RORB: variants seen among roughly 807,000 people sequenced by gnomAD.
RORB encodes the protein nuclear receptor ROR-beta.
A neutral mutation model predicts 59.1 loss-of-function variants in RORB; 6 were observed. That is an observed-to-expected ratio of 0.10 (90% confidence interval 0.06 to 0.20). RORB has a LOEUF of 0.20. Ranked by LOEUF, RORB falls within the 10% of genes least tolerant of loss-of-function variation. RORB has a pLI of 1.00. For missense variants in RORB, 320 were observed against 560.5 expected, an observed-to-expected ratio of 0.57 and a Z score of 4.33; for synonymous variants, 215 against 204.5, an observed-to-expected ratio of 1.05 and a Z score of -0.44.
chr9:74,536,451 T>C (rs995224776), intron 1 of RORB, among the ~76,000 whole-genome samples: 1 of 152,092 alleles, frequency 6.6e-6, no homozygotes, highest in African/African-American at 2.4e-5. Context: ...TTCGAGTTCA[T>C]GTAAGTCCTT....
intron 1 of RORB, among the ~76,000 whole-genome samples, chr9:74,513,418 A>G (rs1825967197): frequency 1.3e-5 from 2 of 152,016 alleles, no homozygotes; most frequent in African/African-American, 2.4e-5. Flanking sequence ...CGTCAGCAAA[A>G]ACCGCAATAA....
At chr9:74,549,632 GGAAA>G (rs796962672) in intron 1 of RORB, among the ~76,000 whole-genome samples, 53 of 143,048 alleles carry the variant, frequency 3.7e-4, no homozygotes, top group East Asian at 2.2e-3. Flanking sequence ...AAGGAAGAAA[GGAAA>G]GAAAGAAAGA....
At chr9:74,506,866 C>T (rs909238347) in intron 1 of RORB, among the ~76,000 whole-genome samples, 3 of 152,070 alleles carry the variant, frequency 2.0e-5, no homozygotes, top group African/African-American at 4.8e-5. Context: ...TTGTGCCCTT[C>T]GGTTGTAACA....
intron 1 of RORB, among the ~76,000 whole-genome samples, chr9:74,563,870 T>C (rs1822434512): frequency 6.6e-6 from 1 of 152,182 alleles, no homozygotes; most frequent in Non-Finnish European, 1.5e-5. Context: ...TGGAAATAGA[T>C]GCCTTCCAAT....
chr9:74,585,632 T>C (rs968805115), intron 1 of RORB, among the ~76,000 whole-genome samples: 3 of 152,156 alleles, frequency 2.0e-5, no homozygotes, highest in Admixed American at 6.5e-5. Flanking sequence ...AACAGCCTCA[T>C]TGGTACTATA....
At chr9:74,521,613 G>A (rs1165314923) in intron 1 of RORB, among the ~76,000 whole-genome samples, 1 of 151,694 alleles carries the variant, frequency 6.6e-6, no homozygotes, top group Non-Finnish European at 1.5e-5. Flanking sequence ...CTTTTCCGTA[G>A]GACTCTCCTG....
intron 6 of RORB, among the ~76,000 whole-genome samples, chr9:74,663,939 A>C (rs925331141): frequency 6.6e-6 from 1 of 152,126 alleles, no homozygotes; most frequent in Non-Finnish European, 1.5e-5. Context: ...GCTTCAGAAA[A>C]CACATATTGT....
At chr9:74,568,104 C>T (rs1250144541) in intron 1 of RORB, among the ~76,000 whole-genome samples, 2 of 152,112 alleles carry the variant, frequency 1.3e-5, no homozygotes, top group Non-Finnish European at 2.9e-5. Flanking sequence ...CTCAATATTC[C>T]AAATTTTTAT....
At chr9:74,558,413 C>A (rs1404800995) in intron 1 of RORB, among the ~76,000 whole-genome samples, 1 of 152,150 alleles carries the variant, frequency 6.6e-6, no homozygotes, top group African/African-American at 2.4e-5. Flanking sequence ...TCTTTCACTA[C>A]CTTTTTAACT....
chr9:74,502,472 A>G (rs377395304), intron 1 of RORB, among the ~76,000 whole-genome samples: 1 of 152,116 alleles, frequency 6.6e-6, no homozygotes, highest in Non-Finnish European at 1.5e-5. Flanking sequence ...AAGATGGCCT[A>G]TATGGTTTTT....
chr9:74,510,761 A>C (rs933614009), intron 1 of RORB, among the ~76,000 whole-genome samples: 7 of 152,194 alleles, frequency 4.6e-5, no homozygotes, highest in African/African-American at 1.7e-4. Context: ...CCAGATCAAA[A>C]ATATAAATAT....
At chr9:74,637,961 G>A (rs985744483) in intron 3 of RORB, among the ~76,000 whole-genome samples, 3 of 152,172 alleles carry the variant, frequency 2.0e-5, no homozygotes, top group African/African-American at 7.2e-5. Context: ...AGAAAAAGAG[G>A]AAGGAGAAGA....
chr9:74,662,133 T>C (rs1340409770), intron 5 of RORB, among the ~76,000 whole-genome samples: 2 of 152,142 alleles, frequency 1.3e-5, no homozygotes, highest in East Asian at 3.9e-4. Context: ...GATAGATTTG[T>C]TATTTTCTTT....
chr9:74,623,991 G>C (rs1823466949), intron 1 of RORB, among the ~76,000 whole-genome samples: 1 of 151,954 alleles, frequency 6.6e-6, no homozygotes, highest in South Asian at 2.1e-4. Context: ...GTTATTTGTT[G>C]GTCTCATGTT....
intron 1 of RORB, among the ~76,000 whole-genome samples, chr9:74,536,945 C>G (rs1038578647): frequency 6.6e-6 from 1 of 152,000 alleles, no homozygotes; most frequent in Non-Finnish European, 1.5e-5. Flanking sequence ...ATTAATATCG[C>G]ACTTTTATTC....
chr9:74,607,293 T>C (rs1423816437), intron 1 of RORB, among the ~76,000 whole-genome samples: 3 of 152,166 alleles, frequency 2.0e-5, no homozygotes, highest in African/African-American at 7.2e-5. Context: ...TGGTGTCTCC[T>C]CCACTCAGGG....
chr9:74,662,612 C>A lies in RORB; in HGVS notation c.892+6C>A. ...AATTCTACTTCTGAAGTCAGGTAAG[C>A]AAGAAGATTCATGGGAGGCCTATTT... is the stretch of plus-strand genomic sequence containing the variant. On this transcript the variant is annotated splice_donor_region_variant and intron_variant, in intron 6 of 9. Transcript: ENST00000376896. The A allele has an allele frequency of 6.2e-7, 1 of 1,612,844 alleles. No individual in the cohort carries two copies. Among genetic ancestry groups the A allele is most frequent in the Non-Finnish European group, 8.5e-7 (1 of 1,179,944 alleles).
intron 1 of RORB, among the ~76,000 whole-genome samples, chr9:74,523,976 T>A (rs1426575268): frequency 6.7e-6 from 1 of 150,052 alleles, no homozygotes; most frequent in Admixed American, 6.7e-5. Context: ...ATTATTGCCA[T>A]GACTTTATTC....
At chr9:74,645,632 T>C (rs926162256) in intron 4 of RORB, among the ~76,000 whole-genome samples, 1 of 152,200 alleles carries the variant, frequency 6.6e-6, no homozygotes, top group Non-Finnish European at 1.5e-5. Context: ...TTAGTATCAC[T>C]GGTTATTGCA....
Sources: allele counts gnomAD v4.1 joint callset (sites outside exome capture counted in the v4.1 genomes callset), GRCh38; gene constraint gnomAD v4.1.1; transcripts MANE v1.5; gene names NCBI Gene and HGNC (gene_info 2026-07-23, HGNC 2026-07-21).